MED13L: variants seen among roughly 807,000 people sequenced by gnomAD.
The protein encoded by MED13L is mediator complex subunit 13L, also known as mediator of RNA polymerase II transcription subunit 13-like.
A neutral mutation model predicts 220.9 loss-of-function variants in MED13L; 7 were observed. That is an observed-to-expected ratio of 0.03 (90% CI 0.02 to 0.06). The LOEUF is 0.06. Among genes scored for constraint, MED13L ranks in the 10% least tolerant of loss-of-function variants. MED13L has a pLI of 1.00. For missense variants in MED13L, 1,965 were observed against 2,760.5 expected, an observed-to-expected ratio of 0.71 and a Z score of 6.46; for synonymous variants, 1,011 against 1,015.2, an observed-to-expected ratio of 1.00 and a Z score of 0.08.
intron 2 of MED13L, among the ~76,000 whole-genome samples, chr12:116,149,228 T>C (rs1877835045): frequency 6.6e-6 from 1 of 152,244 alleles, no homozygotes; most frequent in South Asian, 2.1e-4. Flanking sequence ...TTCTTGATTA[T>C]GTTTATATTC....
At chr12:116,047,773 G>A (rs1386286387) in intron 4 of MED13L, among the ~76,000 whole-genome samples, 2 of 152,134 alleles carry the variant, frequency 1.3e-5, no homozygotes, top group African/African-American at 2.4e-5. Flanking sequence ...CTCACTACAA[G>A]AAGTTTTGCC....
At chr12:116,126,197 G>A (rs1159679937) in intron 2 of MED13L, among the ~76,000 whole-genome samples, 3 of 152,110 alleles carry the variant, frequency 2.0e-5, no homozygotes, top group Admixed American at 1.3e-4. Flanking sequence ...AACTCTACAA[G>A]ATTCCTTTGC....
At position 116,194,570 on chromosome 12, in the gene MED13L, C is replaced by T. The variant is rs139459146; in HGVS notation, c.310+42898G>A. On this transcript the variant is annotated intron_variant, in intron 2 of 30. Coordinates refer to ENST00000281928, the MANE Select transcript of MED13L (RefSeq NM_015335.5). ...ATCCATCTGATCAAATTCACCTTAA[C>T]CACATTCAAAAGCATCACGAAAATA... 4.4e-3 allele frequency among the ~76,000 whole-genome samples: 663 copies of T among 152,256 alleles called. 4 individuals carry two copies. Among genetic ancestry groups the T allele is most frequent in the Middle Eastern group, 0.017 (5 of 294 alleles).
At chr12:116,031,280 G>A (rs1880718059) in intron 4 of MED13L, among the ~76,000 whole-genome samples, 1 of 151,918 alleles carries the variant, frequency 6.6e-6, no homozygotes, top group Non-Finnish European at 1.5e-5. Flanking sequence ...AAAAAAGGTG[G>A]TATAAAAATT....
In MED13L at chr12:116,008,609, C is replaced by G. The variant is rs759007334; in HGVS notation, c.1804G>C (p.Val602Leu). 17 of 1,614,074 alleles carry G rather than the reference C, an allele frequency of 1.1e-5. No individual in the cohort carries two copies. The highest frequency in any genetic ancestry group is 1.4e-5 in the Non-Finnish European group (17 of 1,180,008). Residue 602 changes from valine (V) to leucine (L), a missense_variant, in exon 10 of 31, where the codon GTA becomes CTA. Around this residue, in one of 10 missense-constraint regions of MED13L, gnomAD observed 818 missense variants for 1,041.2 expected, o/e 0.79. Coordinates refer to ENST00000281928, the MANE Select transcript of MED13L (RefSeq NM_015335.5). ...GCCATGAGAGGCAGTCTTTGGCCTA[C>G]GAGGACAGTTCTGTCATCCAGAGTA... ...LSTLDDRTVL[V>L]GQRLPLMAEV...
chr12:116,050,754 T>C (rs1793052596), intron 4 of MED13L, among the ~76,000 whole-genome samples: 1 of 152,044 alleles, frequency 6.6e-6, no homozygotes, highest in South Asian at 2.1e-4. Context: ...CTAGCCAACA[T>C]GGTGAAACCC....
chr12:116,062,488 G>C (rs74360898), intron 4 of MED13L, among the ~76,000 whole-genome samples: 1 of 97,372 alleles, frequency 1.0e-5, no homozygotes, highest in Admixed American at 1.2e-4. Flanking sequence ...CTCTCTCTGT[G>C]TTTTTTTTTT....
intron 2 of MED13L, among the ~76,000 whole-genome samples, chr12:116,203,665 C>A (rs893951917): frequency 1.5e-4 from 23 of 151,856 alleles, no homozygotes; most frequent in African/African-American, 5.6e-4. Context: ...ACTAAATATA[C>A]AAAAATTATC....
intron 1 of MED13L, among the ~76,000 whole-genome samples, chr12:116,243,974 C>G (rs1870873839): frequency 6.6e-6 from 1 of 152,156 alleles, no homozygotes; most frequent in Non-Finnish European, 1.5e-5. Context: ...ACCCTTATTA[C>G]CCATCAAGAA....
In MED13L at chr12:116,128,034, C is replaced by T. The variant is rs532357977; in HGVS notation, c.311-16522G>A. Among the ~76,000 whole-genome samples, 8 of 152,258 alleles carry T rather than the reference C, an allele frequency of 5.3e-5. No individual in the cohort carries two copies. In the South Asian group the frequency reaches 1.2e-3, roughly 24 times the overall value. On this transcript the variant is annotated intron_variant, in intron 2 of 30. Transcript: ENST00000281928. ...CCTGTATCTGGCTGTCTCCTCCAAG[C>T]GGCATTCCCTACCTGACCCTCTAAT...
At chr12:116,038,911 T>G (rs542375284) in intron 4 of MED13L, among the ~76,000 whole-genome samples, 1 of 152,030 alleles carries the variant, frequency 6.6e-6, no homozygotes. Flanking sequence ...TATTTTTTTT[T>G]CCCGCCTCGT....
At position 116,077,173 on chromosome 12, in the gene MED13L, T is replaced by C. The variant is rs777823699; in HGVS notation, c.479+19496A>G. Among the ~76,000 whole-genome samples, 20 of 152,346 alleles carry C rather than the reference T, an allele frequency of 1.3e-4. 2 individuals carry two copies. In the Middle Eastern group the frequency reaches 0.01, roughly 78 times the overall value. ...ATATCAGTATCTACCTGTTTTCACCTTTACTTCTTATCAGCTATTTAACAG... is the reference window on the plus strand; with the variant it reads ...ATATCAGTATCTACCTGTTTTCACCCTTACTTCTTATCAGCTATTTAACAG... On this transcript the variant is annotated intron_variant, in intron 4 of 30. Coordinates refer to ENST00000281928, the MANE Select transcript of MED13L (RefSeq NM_015335.5).
intron 2 of MED13L, among the ~76,000 whole-genome samples, chr12:116,123,497 A>C (rs1358267442): frequency 6.6e-6 from 1 of 152,212 alleles, no homozygotes; most frequent in Non-Finnish European, 1.5e-5. Flanking sequence ...CATTAGCACA[A>C]TTGAGAAGTA....
rs1215206917 is a variant in MED13L, at chr12:115,975,312, A to T, written c.5590T>A (p.Ser1864Thr). 6.2e-7 allele frequency: 1 copy of T among 1,614,034 alleles called. No individual in the cohort carries two copies. Among genetic ancestry groups the T allele is most frequent in the Non-Finnish European group, 8.5e-7 (1 of 1,180,026 alleles). ...CVVNIALPNR[S>T]RRSKVSARKI... ...CGTGCAGATACTTTACTCCTCCGTGACCTAACAAATAAAGAAATGGGGAAG... is the reference window on the plus strand; with the variant it reads ...CGTGCAGATACTTTACTCCTCCGTGTCCTAACAAATAAAGAAATGGGGAAG... Residue 1864 changes from serine (S) to threonine (T), a missense_variant and splice_region_variant, in exon 25 of 31, where the codon TCA becomes ACA. Physicochemically the swap from Ser to Thr is moderately conservative, Grantham distance 58. Around this residue, in one of 10 missense-constraint regions of MED13L, gnomAD observed 510 missense variants for 620.4 expected, o/e 0.82. Coordinates refer to ENST00000281928, the MANE Select transcript of MED13L (RefSeq NM_015335.5).
At chr12:116,031,924 C>A (rs1469029899) in intron 4 of MED13L, among the ~76,000 whole-genome samples, 1 of 151,884 alleles carries the variant, frequency 6.6e-6, no homozygotes, top group Non-Finnish European at 1.5e-5. Context: ...CAAAAGAGAT[C>A]AAGCATGTAG....
At chr12:116,179,534 G>A (rs114050495) in intron 2 of MED13L, among the ~76,000 whole-genome samples, 123 of 150,192 alleles carry the variant, frequency 8.2e-4, no homozygotes, top group African/African-American at 2.6e-3. Flanking sequence ...GGAGAAGCAC[G>A]TGAACCGAGA....
intron 1 of MED13L, among the ~76,000 whole-genome samples, chr12:116,253,542 A>G (rs892420941): frequency 3.9e-5 from 6 of 152,064 alleles, no homozygotes; most frequent in African/African-American, 1.2e-4. Context: ...TGAAAAAACC[A>G]TTAACAAAAT....
chr12:115,994,649 T>C (rs553460677), intron 16 of MED13L, among the ~76,000 whole-genome samples: 28 of 152,226 alleles, frequency 1.8e-4, no homozygotes, highest in Non-Finnish European at 3.1e-4. Context: ...GAAACCTGTA[T>C]GTATGAAAGA....
At chr12:116,031,789 A>AG in intron 4 of MED13L, among the ~76,000 whole-genome samples, 1 of 149,842 alleles carries the variant, frequency 6.7e-6, no homozygotes, top group Non-Finnish European at 1.5e-5. Flanking sequence ...GGAAGGAAGG[A>AG]AGGAAGGAAG....
Sources: allele counts gnomAD v4.1 joint callset (sites outside exome capture counted in the v4.1 genomes callset), GRCh38; gene constraint gnomAD v4.1.1; regional missense constraint gnomAD v4.1.1; transcripts MANE v1.5; gene names NCBI Gene and HGNC (gene_info 2026-07-23, HGNC 2026-07-21).